The following DLG2 variants were observed in gnomAD, a reference collection of about 807,000 sequenced individuals.
DLG2 encodes discs large MAGUK scaffold protein 2, also known as disks large homolog 2.
A neutral mutation model predicts 132.5 loss-of-function variants in DLG2; 45 were observed. The observed-to-expected ratio is 0.34, with a 90% confidence interval of 0.27 to 0.44. DLG2 has a LOEUF of 0.44. Among genes scored for constraint, DLG2 ranks in the 20% least tolerant of loss-of-function variants. The pLI is 1.00. For missense variants in DLG2, 1,045 were observed against 1,196.9 expected (o/e 0.87, Z 1.87); for synonymous variants, 424 against 419.6 (o/e 1.01, Z -0.13).
At chr11:85,343,381 C>G (rs2152863144) in intron 3 of DLG2, among the ~76,000 whole-genome samples, 1 of 152,242 alleles carries the variant, frequency 6.6e-6, no homozygotes, top group Admixed American at 6.5e-5. Flanking sequence ...TTGTTTATCC[C>G]TCCCTAAACT....
chr11:84,807,508 T>G (rs10898298), intron 6 of DLG2, among the ~76,000 whole-genome samples: 44,131 of 151,980 alleles, frequency 0.29, 6,870 homozygotes, highest in Middle Eastern at 0.34. Flanking sequence ...CCTTAACATA[T>G]TAATAATTAC....
At chr11:85,304,206 C>A (rs2152798755) in intron 3 of DLG2, among the ~76,000 whole-genome samples, 1 of 152,188 alleles carries the variant, frequency 6.6e-6, no homozygotes, top group East Asian at 1.9e-4. Context: ...AACCAGACAG[C>A]AGAGGTACAT....
chr11:83,584,946 T>G (rs945487059), intron 19 of DLG2, among the ~76,000 whole-genome samples: 26 of 152,206 alleles, frequency 1.7e-4, no homozygotes, highest in Non-Finnish European at 5.9e-5. Flanking sequence ...TCAAGTAGTT[T>G]ATAGTGAAAT....
At chr11:85,130,355 TC>T (rs2075582826) in intron 5 of DLG2, among the ~76,000 whole-genome samples, 1 of 152,126 alleles carries the variant, frequency 6.6e-6, no homozygotes, top group African/African-American at 2.4e-5. Context: ...GGAATTTATC[TC>T]TATAGTATGT....
At chr11:83,768,332 T>C (rs1395997491) in intron 18 of DLG2, among the ~76,000 whole-genome samples, 2 of 152,244 alleles carry the variant, frequency 1.3e-5, no homozygotes. Flanking sequence ...CTACATTAGA[T>C]GCTTTAGAGT....
chr11:83,460,922 C>T (rs2089803900), intron 27 of DLG2, among the ~76,000 whole-genome samples: 1 of 151,078 alleles, frequency 6.6e-6, no homozygotes, highest in African/African-American at 2.4e-5. Flanking sequence ...AAGGCACTGA[C>T]ACTTTCTATA....
At chr11:83,995,503 A>T (rs1327022008) in intron 11 of DLG2, among the ~76,000 whole-genome samples, 1 of 152,058 alleles carries the variant, frequency 6.6e-6, no homozygotes, top group Non-Finnish European at 1.5e-5. Flanking sequence ...GCTGTTGTTT[A>T]AAAAATACAT....
At chr11:84,996,939 T>C (rs1447394092) in intron 6 of DLG2, among the ~76,000 whole-genome samples, 1 of 152,180 alleles carries the variant, frequency 6.6e-6, no homozygotes, top group Admixed American at 6.6e-5. Context: ...TACCAGCCTT[T>C]CTTCTTTCTA....
At chr11:84,589,729 G>C (rs1443506277) in intron 6 of DLG2, among the ~76,000 whole-genome samples, 1 of 152,060 alleles carries the variant, frequency 6.6e-6, no homozygotes, top group Non-Finnish European at 1.5e-5. Flanking sequence ...TTGAGGACAG[G>C]GGTCATGTCT....
chr11:83,915,407 A>G (rs1331525900), intron 15 of DLG2, among the ~76,000 whole-genome samples: 2 of 152,176 alleles, frequency 1.3e-5, no homozygotes, highest in African/African-American at 4.8e-5. Flanking sequence ...CAGCTCTGGT[A>G]GCTATCATCT....
intron 9 of DLG2, among the ~76,000 whole-genome samples, chr11:84,103,778 A>C (rs1327174408): frequency 6.6e-6 from 1 of 152,190 alleles, no homozygotes; most frequent in Non-Finnish European, 1.5e-5. Flanking sequence ...TTTTATTAAA[A>C]GTTTATTTCC....
chr11:84,978,120 T>A (rs927482940), intron 6 of DLG2, among the ~76,000 whole-genome samples: 8 of 152,168 alleles, frequency 5.3e-5, no homozygotes, highest in Non-Finnish European at 1.2e-4. Context: ...ACTGAAAATG[T>A]ACTTCAAAAT....
chr11:83,875,935 T>C (rs545219555), intron 15 of DLG2, among the ~76,000 whole-genome samples: 1 of 152,286 alleles, frequency 6.6e-6, no homozygotes, highest in African/African-American at 2.4e-5. Flanking sequence ...CAGAATCATA[T>C]TCAAGTTAAA....
At chr11:85,341,731 C>T (rs532450065) in intron 3 of DLG2, among the ~76,000 whole-genome samples, 1 of 152,198 alleles carries the variant, frequency 6.6e-6, no homozygotes, top group African/African-American at 2.4e-5. Flanking sequence ...AGAAATGTGT[C>T]ATTAGGTGAT....
chr11:85,337,927 T>G (rs1251851688), intron 3 of DLG2, among the ~76,000 whole-genome samples: 1 of 152,178 alleles, frequency 6.6e-6, no homozygotes, highest in Admixed American at 6.5e-5. Context: ...AGTTAAAAAT[T>G]CACTTGACTA....
intron 6 of DLG2, among the ~76,000 whole-genome samples, chr11:85,046,612 G>C (rs2062374174): frequency 6.6e-6 from 1 of 151,742 alleles, no homozygotes; most frequent in African/African-American, 2.4e-5. Context: ...TAATATTTCA[G>C]AGTGAAGCTT....
intron 6 of DLG2, chr11:85,021,558 A>T: frequency 6.3e-7 from 1 of 1,587,600 alleles, no homozygotes; most frequent in Non-Finnish European, 8.7e-7. Context: ...TTGCCTCCAC[A>T]TCAGATTTCT....
chr11:84,069,765 T>C (rs1338919933), intron 10 of DLG2, among the ~76,000 whole-genome samples: 1 of 152,214 alleles, frequency 6.6e-6, no homozygotes, highest in East Asian at 1.9e-4. Flanking sequence ...GCATCAGTGA[T>C]TGGTCTTTTG....
intron 3 of DLG2, among the ~76,000 whole-genome samples, chr11:85,446,567 T>A (rs1437583428): frequency 2.0e-5 from 3 of 152,236 alleles, no homozygotes; most frequent in South Asian, 2.1e-4. Flanking sequence ...CTAGGCACTT[T>A]ATAAACATCT....
Sources: allele counts gnomAD v4.1 joint callset (sites outside exome capture counted in the v4.1 genomes callset), GRCh38; gene constraint gnomAD v4.1.1; transcripts MANE v1.5; gene names NCBI Gene and HGNC (gene_info 2026-07-23, HGNC 2026-07-21).